Variants in TGOLN2 observed in about 807,000 individuals in gnomAD.
TGOLN2 encodes trans-golgi network protein 2.
Under a neutral mutation model 31.3 loss-of-function variants are expected in TGOLN2, and 19 were observed. The ratio of observed to expected loss-of-function variants is 0.61; its 90% CI spans 0.42 to 0.89. The LOEUF is 0.89. Ranked by LOEUF, TGOLN2 falls within the 40% of genes least tolerant of loss-of-function variation. The pLI is 0.00. For synonymous variants in TGOLN2, 222 were observed against 226.7 expected (o/e 0.98, Z 0.19); for missense variants, 540 against 559.2 (o/e 0.97, Z 0.35).
chr2:85,322,761 T>A lies in TGOLN2; in HGVS notation c.1309-20A>T, dbSNP rs1249685713. 5.0e-6 allele frequency: 8 copies of A among 1,609,780 alleles called. No homozygotes were observed. The highest frequency in any genetic ancestry group is 5.9e-6 in the Non-Finnish European group (7 of 1,179,226). ...TTAGGACTTAGGGGAAAAAAGATCT[T>A]TTAGGAGGTGCAGGGAAAACATTCA... On this transcript the variant is annotated intron_variant, in intron 3 of 3. Coordinates refer to ENST00000377386, the MANE Select transcript of TGOLN2 (RefSeq NM_006464.4).
rs1554110 is a variant in TGOLN2 at position 85,320,840 on chromosome 2, C to T, written c.*1896G>A. 0.61 allele frequency: 93,233 copies of T among 152,040 alleles called. 29,378 individuals carry two copies. Among genetic ancestry groups the T allele is most frequent in the East Asian group, 0.96 (4,974 of 5,186 alleles). The allele number at this position is 152,040 out of a possible 1,614,324, so 9.4% of individuals were successfully genotyped here. A position where few individuals can be genotyped will look rare whatever the true frequency, so the allele number is the denominator to read the frequency against. On this transcript the variant is annotated 3_prime_UTR_variant, in exon 4 of 4. Transcript: ENST00000377386. ...GGATGGTCAATAGTGTCCAGTTCTGCCAAGGACAAGACTAAGCTTTGAGAA... is the reference window on the plus strand; with the variant it reads ...GGATGGTCAATAGTGTCCAGTTCTGTCAAGGACAAGACTAAGCTTTGAGAA...
chr2:85,326,923 G>A lies in TGOLN2; in HGVS notation c.809C>T (p.Ser270Phe). ...AGCCTTGGGGAGCTCCTTGTTATCA[G>A]AAGGGTTGGAGATGGGCTTGGAATG... ...KDHSKPISNP[S>F]DNKELPKADT... is the part of the protein sequence containing the mutation. Residue 270 changes from serine (S) to phenylalanine (F), a missense_variant, in exon 2 of 4, where the codon TCT becomes TTT. Ser to Phe is a radical substitution (Grantham distance 155, BLOSUM62 -2). Transcript: ENST00000377386. 1 of 1,613,978 alleles carries A rather than the reference G, an allele frequency of 6.2e-7. No homozygotes were observed. Among genetic ancestry groups the A allele is most frequent in the Non-Finnish European group, 8.5e-7 (1 of 1,179,832 alleles).
In TGOLN2 at chr2:85,322,608, T is replaced by G; in HGVS notation, c.*128A>C. On this transcript the variant is annotated 3_prime_UTR_variant, in exon 4 of 4. Transcript: ENST00000377386. ...CAGGTCACAGTACTTTTTTCTTCAT[T>G]TCTTTTGATTTAGAAACAAATCAGC... 1 of 1,535,856 alleles carries G rather than the reference T, an allele frequency of 6.5e-7. No individual in the cohort carries two copies. The highest frequency in any genetic ancestry group is 8.7e-7 in the Non-Finnish European group (1 of 1,149,108).
chr2:85,327,517 G>A lies in TGOLN2; in HGVS notation c.215C>T (p.Ala72Val). ...TPKDSPSKSS[A>V]EAQTPEDTPN... Reference sequence around the variant, plus strand: ...GGTGTCTTCTGGGGTCTGCGCCTCCGCACTCGACTTGCTAGGGCTGTCTTT... The same window carrying A: ...GGTGTCTTCTGGGGTCTGCGCCTCCACACTCGACTTGCTAGGGCTGTCTTT... The change falls in exon 2 of 4, where the codon GCG becomes GTG. Residue 72 changes from alanine (A) to valine (V), a missense_variant. Physicochemically the swap from Ala to Val is moderately conservative, Grantham distance 64. Coordinates refer to ENST00000377386, the MANE Select transcript of TGOLN2 (RefSeq NM_006464.4). The A allele has an allele frequency of 1.2e-6, 2 of 1,614,022 alleles. No individual in the cohort carries two copies. The highest frequency in any genetic ancestry group is 1.6e-4 in the Middle Eastern group (1 of 6,062).
Position 85,320,940 on chromosome 2 carries a change from G to A in TGOLN2, c.*1796C>T, listed in dbSNP as rs1322031181. On this transcript the variant is annotated 3_prime_UTR_variant, in exon 4 of 4. Transcript: ENST00000377386. ...AGTTGACAGACAGAGACCGAAGTGA[G>A]TTAGTAAAAGTCATGAAGAGAATGA... is the stretch of plus-strand genomic sequence containing the variant. 1.0e-5 allele frequency: 1 copy of A among 97,200 alleles called. No homozygotes were observed. Among genetic ancestry groups the A allele is most frequent in the Non-Finnish European group, 2.1e-5 (1 of 48,494 alleles). 6.0% of individuals were successfully genotyped at this position (97,200 alleles called of 1,614,324 possible).
chr2:85,322,726 T>C lies in TGOLN2; in HGVS notation c.*10A>G. On this transcript the variant is annotated 3_prime_UTR_variant, in exon 4 of 4. Coordinates refer to ENST00000377386, the MANE Select transcript of TGOLN2 (RefSeq NM_006464.4). ...ACGTTCATCTTTTTCCAGAGGAATA[T>C]ACCATTCTGTTAGGACTTAGGGGAA... is the stretch of plus-strand genomic sequence containing the variant. 1.9e-5 allele frequency: 30 copies of C among 1,612,110 alleles called. No individual in the cohort carries two copies. Among genetic ancestry groups the C allele is most frequent in the Non-Finnish European group, 2.4e-5 (28 of 1,179,518 alleles).
chr2:85,327,130 T>C lies in TGOLN2; in HGVS notation c.602A>G (p.Gln201Arg), dbSNP rs1203016487. Residue 201 changes from glutamine to arginine, a missense_variant, in exon 2 of 4, where the codon CAG becomes CGG. Coordinates refer to ENST00000377386, the MANE Select transcript of TGOLN2 (RefSeq NM_006464.4). ...CTTGTTAGGGACGTCTTTTGGGGTC[T>C]GATCCTCCGCACCCGACTTGCTGGA... ...DGSSKSGAED[Q>R]TPKDVPNKSG... 1.2e-6 allele frequency: 2 copies of C among 1,613,708 alleles called. No individual in the cohort carries two copies. The highest frequency in any genetic ancestry group is 2.2e-5 in the East Asian group (1 of 44,878).
In TGOLN2 at chr2:85,327,598, C is replaced by G; in HGVS notation, c.134G>C (p.Ser45Thr). The G allele has an allele frequency of 1.2e-6, 2 of 1,614,050 alleles. No individual in the cohort carries two copies. The highest frequency in any genetic ancestry group is 1.7e-6 in the Non-Finnish European group (2 of 1,179,908). The change falls in exon 2 of 4, where the codon AGC becomes ACC. Residue 45 changes from serine to threonine, a missense_variant. Ser to Thr is a moderately conservative substitution (Grantham distance 58, BLOSUM62 1). Coordinates refer to ENST00000377386, the MANE Select transcript of TGOLN2 (RefSeq NM_006464.4). ...PSAGNVSTHPSLSQRPGGSTK... is the reference protein window; with the variant it reads ...PSAGNVSTHPTLSQRPGGSTK... ...AGAGCCTCCAGGCCGTTGGCTCAAGCTGGGGTGGGTGGAGACGTTTCCTGC... is the reference window on the plus strand; with the variant it reads ...AGAGCCTCCAGGCCGTTGGCTCAAGGTGGGGTGGGTGGAGACGTTTCCTGC...
chr2:85,323,563 C>T (rs1682622094), intron 3 of TGOLN2, among the ~76,000 whole-genome samples: 1 of 152,178 alleles, frequency 6.6e-6, no homozygotes, highest in Non-Finnish European at 1.5e-5. Context: ...AAGACTCCGT[C>T]TCAAAAACAA....
rs1682821804 is a variant in TGOLN2, at chr2:85,327,978, C to T, written c.-16G>A. 1 of 1,578,582 alleles carries T rather than the reference C, an allele frequency of 6.3e-7. No homozygotes were observed. Among genetic ancestry groups the T allele is most frequent in the African/African-American group, 1.3e-5 (1 of 74,320 alleles). ...CGAACCGCATCCTGCTCGGATAGCG[C>T]TTCCGCCCTCTAATGCTCTCGCGAG... is the stretch of plus-strand genomic sequence containing the variant. On this transcript the variant is annotated 5_prime_UTR_variant, in exon 1 of 4. Transcript: ENST00000377386.
intron 3 of TGOLN2, among the ~76,000 whole-genome samples, chr2:85,323,237 C>G (rs940383936): frequency 6.6e-6 from 1 of 152,140 alleles, no homozygotes; most frequent in Non-Finnish European, 1.5e-5. Flanking sequence ...GGATTACAGG[C>G]GTGAACCACT....
chr2:85,323,701 G>A (rs943685825), intron 3 of TGOLN2, among the ~76,000 whole-genome samples: 3 of 152,198 alleles, frequency 2.0e-5, no homozygotes, highest in Non-Finnish European at 2.9e-5. Context: ...TCAGTGGCTC[G>A]TTCTGTAGCT....
At chr2:85,327,790 T>TGGGGGTTGGGGGGGGG in intron 1 of TGOLN2, 105 bp from the exon 2 acceptor site, 1 of 345,650 alleles carries the variant, frequency 2.9e-6, no homozygotes, top group Non-Finnish European at 4.5e-6. Context: ...GATTGGGGGG[T>TGGGGGTTGGGGGGGGG]GGGGCGGGAG....
rs1034643676 is a variant in TGOLN2, at chr2:85,322,369, C to G, written c.*367G>C. The G allele has an allele frequency of 1.2e-5, 4 of 345,610 alleles. No homozygotes were observed. Among genetic ancestry groups the G allele is most frequent in the African/African-American group, 8.9e-5 (4 of 45,016 alleles). 21.4% of individuals were successfully genotyped at this position (345,610 alleles called of 1,614,324 possible). On this transcript the variant is annotated 3_prime_UTR_variant, in exon 4 of 4. Coordinates refer to ENST00000377386, the MANE Select transcript of TGOLN2 (RefSeq NM_006464.4). Reference sequence around the variant, plus strand: ...GGGCCCCAGGGAGGGTGGTCAGCAGCGCAGCCTGCCCAGGCTGGGATCTCC... The same window carrying G: ...GGGCCCCAGGGAGGGTGGTCAGCAGGGCAGCCTGCCCAGGCTGGGATCTCC...
chr2:85,327,164 T>C lies in TGOLN2; in HGVS notation c.568A>G (p.Lys190Glu), dbSNP rs76921212. Residue 190 changes from lysine (K) to glutamate (E), a missense_variant, in exon 2 of 4, where the codon AAA becomes GAA. Transcript: ENST00000377386. ...NKSGADGQTP[K>E]DGSSKSGAED... Reference sequence around the variant, plus strand: ...GCACCCGACTTGCTGGAGCCGTCTTTTGGGGTCTGGCCGTCCGCACCCGAC... The same window carrying C: ...GCACCCGACTTGCTGGAGCCGTCTTCTGGGGTCTGGCCGTCCGCACCCGAC... 2,947 of 1,613,000 alleles carry C rather than the reference T, an allele frequency of 1.8e-3. 25 individuals carry two copies. Among genetic ancestry groups the C allele is most frequent in the African/African-American group, 0.017 (1,259 of 74,616 alleles).
In TGOLN2 at chr2:85,321,497, C is replaced by T. The variant is rs1230003638; in HGVS notation, c.*1239G>A. ...AACTCTCTTTAGGCTCTCTACAATG[C>T]GGTAGAGCATGATTAGAAAAGATAA... is the stretch of plus-strand genomic sequence containing the variant. On this transcript the variant is annotated 3_prime_UTR_variant, in exon 4 of 4. Transcript: ENST00000377386. 1 of 152,636 alleles carries T rather than the reference C, an allele frequency of 6.6e-6. No homozygotes were observed. The highest frequency in any genetic ancestry group is 1.5e-5 in the Non-Finnish European group (1 of 68,050). 9.5% of individuals were successfully genotyped at this position (152,636 alleles called of 1,614,324 possible).
intron 3 of TGOLN2, chr2:85,324,260 AAAAATAC>A (rs1682652247): frequency 6.6e-6 from 1 of 152,310 alleles, no homozygotes; most frequent in African/African-American, 2.4e-5. Flanking sequence ...CATCTCTACT[AAAAATAC>A]AAAATTAGCT....
chr2:85,326,421 G>C, intron 2 of TGOLN2, 87 bp downstream of exon 2: 1 of 1,317,592 alleles, frequency 7.6e-7, no homozygotes, highest in Non-Finnish European at 1.1e-6. Flanking sequence ...GTGCTCACGG[G>C]CATCTAGTGA....
At chr2:85,327,794 G>T in intron 1 of TGOLN2, 109 bp from the exon 2 acceptor site, 1 of 1,427,564 alleles carries the variant, frequency 7.0e-7, no homozygotes, top group Non-Finnish European at 9.6e-7. Flanking sequence ...GGGGGGTGGG[G>T]CGGGAGACGA....
Sources: allele counts gnomAD v4.1 joint callset (sites outside exome capture counted in the v4.1 genomes callset), GRCh38; gene constraint gnomAD v4.1.1; transcripts MANE v1.5; gene names NCBI Gene and HGNC (gene_info 2026-07-23, HGNC 2026-07-21).